The following GSTO1 variants were observed in gnomAD, a reference collection of about 807,000 sequenced individuals.
GSTO1 encodes glutathione S-transferase omega-1.
Under a neutral mutation model 23.8 loss-of-function variants are expected in GSTO1, and 27 were observed. The observed-to-expected ratio is 1.13, with a 90% CI of 0.83 to 1.56. The LOEUF is 1.56. Ranked by LOEUF, GSTO1 falls within the 40% of genes most tolerant of loss-of-function variation. The probability of loss-of-function intolerance (pLI) is 0.00; values close to 1 mark genes in which losing one functional copy is unlikely to be tolerated. For synonymous variants in GSTO1, 105 were observed against 109.3 expected, an observed-to-expected ratio of 0.96 and a Z score of 0.25; for missense variants, 255 against 285.8, an observed-to-expected ratio of 0.89 and a Z score of 0.78.
Position 104,266,150 on chromosome 10 carries a change from T to G in GSTO1, c.532T>G (p.Trp178Gly). 5 of 1,611,406 alleles carry G rather than the reference T, an allele frequency of 3.1e-6. No individual in the cohort carries two copies. Among genetic ancestry groups the G allele is most frequent in the Non-Finnish European group, 4.2e-6 (5 of 1,177,490 alleles). ...TATCTCTATGATTGATTACCTCATC[T>G]GGCCCTGGTTTGAACGGCTGGAAGC... The part of the protein sequence containing the change: ...NSISMIDYLI[W>G]PWFERLEAMK... Residue 178 changes from tryptophan (W) to glycine (G), a missense_variant, in exon 5 of 6, where the codon TGG (tryptophan) becomes GGG (glycine). Transcript: ENST00000369713.
chr10:104,256,886 A>AT (rs112642328), intron 2 of GSTO1, among the ~76,000 whole-genome samples: 4,553 of 144,676 alleles, frequency 0.031, 85 homozygotes, highest in South Asian at 0.083. Context: ...GAGCCAAATA[A>AT]TTTTTTTTTT....
intron 4 of GSTO1, among the ~76,000 whole-genome samples, chr10:104,264,540 T>C (rs929633632): frequency 2.6e-5 from 4 of 152,224 alleles, no homozygotes; most frequent in African/African-American, 9.6e-5. Flanking sequence ...CAATTCGCCT[T>C]CTTAAAATTT....
At position 104,259,710 on chromosome 10, in the gene GSTO1, T is replaced by C; in HGVS notation, c.278T>C (p.Leu93Pro). The C allele has an allele frequency of 6.2e-7, 1 of 1,613,764 alleles. No individual in the cohort carries two copies. The highest frequency in any genetic ancestry group is 1.1e-5 in the South Asian group (1 of 91,072). ...IYESAITCEY[L>P]DEAYPGKKLL... is the part of the protein sequence containing the mutation. Reference sequence around the variant, plus strand: ...GAGTCTGCCATCACCTGTGAGTACCTGGATGAAGCATACCCAGGGAAGAAG... The same window carrying C: ...GAGTCTGCCATCACCTGTGAGTACCCGGATGAAGCATACCCAGGGAAGAAG... The change falls in exon 3 of 6, where the codon CTG becomes CCG. Residue 93 changes from leucine (L) to proline (P), a missense_variant. By Grantham distance (98) the Leu-to-Pro change is moderately conservative. Coordinates refer to ENST00000369713, the MANE Select transcript of GSTO1 (RefSeq NM_004832.3).
intron 2 of GSTO1, 64 bp downstream of exon 2, chr10:104,255,335 G>A: frequency 9.3e-7 from 1 of 1,074,532 alleles, no homozygotes; most frequent in Non-Finnish European, 1.4e-6. Context: ...CGGCGGGGTG[G>A]GGTGGGGTCT....
Position 104,267,414 on chromosome 10 carries a change from G to C in GSTO1, c.*9G>C, listed in dbSNP as rs907363692. On this transcript the variant is annotated 3_prime_UTR_variant, in exon 6 of 6. Coordinates refer to ENST00000369713, the MANE Select transcript of GSTO1 (RefSeq NM_004832.3). ...GTGACTATGGGCTCTGAAGGGGGCA[G>C]GAGTCAGCAATAAAGCTATGTCTGA... 1.9e-6 allele frequency: 3 copies of C among 1,580,424 alleles called. No homozygotes were observed. The highest frequency in any genetic ancestry group is 2.6e-6 in the Non-Finnish European group (3 of 1,166,620).
chr10:104,255,926 TCC>T (rs2091601025), intron 2 of GSTO1, among the ~76,000 whole-genome samples: 2 of 152,234 alleles, frequency 1.3e-5, no homozygotes, highest in Non-Finnish European at 2.9e-5. Context: ...ACACCAAGTA[TCC>T]ATTGGAACCA....
At chr10:104,264,286 C>T (rs1299286920) in intron 4 of GSTO1, among the ~76,000 whole-genome samples, 1 of 152,086 alleles carries the variant, frequency 6.6e-6, no homozygotes, top group East Asian at 1.9e-4. Context: ...CTTCTTGAAT[C>T]AGTGTTGGTA....
chr10:104,255,013 C>A (rs556028183), intron 1 of GSTO1, 51 bp downstream of exon 1: 1 of 1,444,632 alleles, frequency 6.9e-7, no homozygotes, highest in South Asian at 1.2e-5. Context: ...CCCCCGGCGG[C>A]ATGTTCGAGG....
In GSTO1 at chr10:104,256,886, A is replaced by ATT. The variant is rs112642328; in HGVS notation, c.143+1628_143+1629dup. 1.1e-3 allele frequency among the ~76,000 whole-genome samples: 161 copies of ATT among 144,766 alleles called. 5 individuals carry two copies. In the South Asian group the frequency reaches 0.032, roughly 29 times the overall value. The allele number at this position is 144,766 out of a possible 152,430, so 95.0% of individuals were successfully genotyped here. A position where few individuals can be genotyped will look rare whatever the true frequency, so the allele number is the denominator to read the frequency against. On this transcript the variant is annotated intron_variant, in intron 2 of 5. Transcript: ENST00000369713. ...TAATTCTTTGGCAAGGAGCCAAATA[A>ATT]TTTTTTTTTTTTTTGCAATGGCTGG...
At chr10:104,258,627 G>A (rs556796057) in intron 2 of GSTO1, among the ~76,000 whole-genome samples, 1 of 152,200 alleles carries the variant, frequency 6.6e-6, no homozygotes, top group South Asian at 2.1e-4. Flanking sequence ...CTATAACCCC[G>A]AGGCAGACAG....
At chr10:104,258,541 C>A in intron 2 of GSTO1, among the ~76,000 whole-genome samples, 1 of 152,162 alleles carries the variant, frequency 6.6e-6, no homozygotes, top group Non-Finnish European at 1.5e-5. Flanking sequence ...TACAACTCAA[C>A]AACAAAAAAA....
At chr10:104,264,163 G>A (rs2011160865) in intron 4 of GSTO1, among the ~76,000 whole-genome samples, 1 of 152,118 alleles carries the variant, frequency 6.6e-6, no homozygotes, top group African/African-American at 2.4e-5. Flanking sequence ...AAACCATTTG[G>A]TAGGGACTAG....
In GSTO1 at chr10:104,259,613, G is replaced by A. The variant is rs968020753; in HGVS notation, c.181G>A (p.Glu61Lys). 6.2e-7 allele frequency: 1 copy of A among 1,613,130 alleles called. No individual in the cohort carries two copies. Among genetic ancestry groups the A allele is most frequent in the African/African-American group, 1.3e-5 (1 of 75,006 alleles). The change falls in exon 3 of 6, where the codon GAG becomes AAG. Residue 61 changes from glutamate to lysine, a missense_variant. Transcript: ENST00000369713. ...VININLKNKP[E>K]WFFKKNPFGL... is the part of the protein sequence containing the mutation. Reference sequence around the variant, plus strand: ...CAATATCAACCTGAAAAATAAGCCTGAGTGGTTCTTTAAGAAAAATCCCTT... The same window carrying A: ...CAATATCAACCTGAAAAATAAGCCTAAGTGGTTCTTTAAGAAAAATCCCTT...
chr10:104,262,518 C>T (rs1265378449), intron 3 of GSTO1, among the ~76,000 whole-genome samples: 1 of 152,144 alleles, frequency 6.6e-6, no homozygotes, highest in Admixed American at 6.5e-5. Context: ...TTCAGACCAG[C>T]CTGGCCAATA....
intron 2 of GSTO1, among the ~76,000 whole-genome samples, chr10:104,258,326 C>T (rs2011111005): frequency 6.6e-6 from 1 of 152,218 alleles, no homozygotes; most frequent in Non-Finnish European, 1.5e-5. Context: ...CTTCATGACA[C>T]TGGCCTTGGC....
At chr10:104,255,115 G>T (rs770387194) in intron 1 of GSTO1, 48 bp from the exon 2 acceptor site, 6 of 1,492,032 alleles carry the variant, frequency 4.0e-6, no homozygotes, top group East Asian at 2.3e-5. Flanking sequence ...GATACGGGGG[G>T]TCTCGACACC....
At chr10:104,254,721 C>A (rs2091592556), upstream of GSTO1, 1 of 613,684 alleles carries the variant, frequency 1.6e-6, no homozygotes, top group East Asian at 2.8e-5. Flanking sequence ...CCTTGGCCAG[C>A]GAGATGCTTT....
chr10:104,254,243 G>A (rs967587000), upstream of GSTO1: 3 of 152,568 alleles, frequency 2.0e-5, no homozygotes, highest in Admixed American at 6.5e-5. Context: ...AAGATAAGCT[G>A]TTAGTTTACA....
intron 4 of GSTO1, among the ~76,000 whole-genome samples, chr10:104,265,859 TTTTA>T (rs1489685158): frequency 1.3e-5 from 2 of 152,232 alleles, no homozygotes; most frequent in Non-Finnish European, 2.9e-5. Flanking sequence ...CTGTGACTTG[TTTTA>T]TTTTTCAATT....
Sources: allele counts gnomAD v4.1 joint callset (sites outside exome capture counted in the v4.1 genomes callset), GRCh38; gene constraint gnomAD v4.1.1; transcripts MANE v1.5; gene names NCBI Gene and HGNC (gene_info 2026-07-23, HGNC 2026-07-21).